The following ADARB1 variants were observed in gnomAD, a reference collection of about 807,000 sequenced individuals.
The protein encoded by ADARB1 is double-stranded RNA-specific editase 1.
Under a neutral mutation model 52.4 loss-of-function variants are expected in ADARB1, and 10 were observed. That is an observed-to-expected ratio of 0.19 (90% CI 0.12 to 0.32). The LOEUF (loss-of-function observed/expected upper bound fraction) is 0.32, where lower values mean the gene tolerates loss of function less well. Ranked by LOEUF, ADARB1 falls within the 10% of genes least tolerant of loss-of-function variation. The pLI, the probability that ADARB1 is intolerant of heterozygous loss-of-function variation, is 1.00. For missense variants in ADARB1, 643 were observed against 922.3 expected, an observed-to-expected ratio of 0.70 and a Z score of 3.92; for synonymous variants, 349 against 371.1, an observed-to-expected ratio of 0.94 and a Z score of 0.68.
At chr21:45,161,296 C>A (rs1056019952) in intron 2 of ADARB1, among the ~76,000 whole-genome samples, 3 of 152,214 alleles carry the variant, frequency 2.0e-5, no homozygotes, top group Non-Finnish European at 4.4e-5. Flanking sequence ...AAGCTGTGGA[C>A]CCAGGCATCC....
intron 1 of ADARB1, among the ~76,000 whole-genome samples, chr21:45,109,795 G>A (rs1435059834): frequency 1.3e-5 from 2 of 152,130 alleles, no homozygotes; most frequent in East Asian, 3.8e-4. Context: ...GCCAAATCAC[G>A]CTGGTTTTAA....
In ADARB1 at chr21:45,124,766, G is replaced by GGTGATGT. The variant is rs1439741072; in HGVS notation, c.-219-3633_-219-3632insATGTGTG. On this transcript the variant is annotated intron_variant, in intron 1 of 10. Coordinates refer to ENST00000348831, the MANE Select transcript of ADARB1 (RefSeq NM_001112.4). ...AGTTGTATTTCTTTTCTTTTTAAAT[G>GGTGATGT]GTGTGTGTGTGTGTGTGTGTATGTG... Among the ~76,000 whole-genome samples the GGTGATGT allele has an allele frequency of 7.9e-3, 202 of 25,560 alleles. 2 individuals are homozygous for GGTGATGT. The highest frequency in any genetic ancestry group is 0.04 in the East Asian group (71 of 1,782). 16.8% of individuals were successfully genotyped at this position (25,560 alleles called of 152,430 possible). A position where few individuals can be genotyped will look rare whatever the true frequency, so the allele number is the denominator to read the frequency against.
Position 45,223,300 on chromosome 21 carries a change from C to T in ADARB1, c.*1103C>T. ...GCATCCAAGTGAGAGCTGGTGAGAC[C>T]ACGTGCTGCTGGCGTAGTGTAGGCC... On this transcript the variant is annotated 3_prime_UTR_variant, in exon 11 of 11. Transcript: ENST00000348831. 1.0e-6 allele frequency: 1 copy of T among 985,476 alleles called. No homozygotes were observed. Among genetic ancestry groups the T allele is most frequent in the Non-Finnish European group, 1.2e-6 (1 of 829,950 alleles). 61.0% of individuals were successfully genotyped at this position (985,476 alleles called of 1,614,324 possible). A position where few individuals can be genotyped will look rare whatever the true frequency, so the allele number is the denominator to read the frequency against.
intron 2 of ADARB1, among the ~76,000 whole-genome samples, chr21:45,162,304 G>A (rs1174964337): frequency 1.3e-5 from 2 of 152,162 alleles, no homozygotes; most frequent in Non-Finnish European, 2.9e-5. Flanking sequence ...GCCTTGCAGG[G>A]AGCCAGTGTC....
In ADARB1 at chr21:45,186,646, A is replaced by C. The variant is rs185124610; in HGVS notation, c.1565+1555A>C. Among the ~76,000 whole-genome samples, 71 of 152,318 alleles carry C rather than the reference A, an allele frequency of 4.7e-4. 2 individuals carry two copies. Among genetic ancestry groups the C allele is most frequent in the Admixed American group, 1.2e-3 (18 of 15,304 alleles). On this transcript the variant is annotated intron_variant, in intron 8 of 10. Transcript: ENST00000348831. Reference sequence around the variant, plus strand: ...CTCTTCAATTACATATTAACTGTTCATCTTACACCTTCTTTGAGTTGTCTG... The same window carrying C: ...CTCTTCAATTACATATTAACTGTTCCTCTTACACCTTCTTTGAGTTGTCTG...
At chr21:45,160,501 A>G (rs562106629) in intron 2 of ADARB1, among the ~76,000 whole-genome samples, 8 of 152,370 alleles carry the variant, frequency 5.3e-5, no homozygotes, top group African/African-American at 1.7e-4. Flanking sequence ...TTGCCCCAGC[A>G]CTGCTTTGCC....
intron 2 of ADARB1, chr21:45,134,807 G>A (rs768209773): frequency 4.9e-5 from 26 of 533,984 alleles, no homozygotes; most frequent in Admixed American, 4.9e-4. Context: ...TGAAGATCCC[G>A]AGGATGAAGA....
intron 7 of ADARB1, among the ~76,000 whole-genome samples, chr21:45,184,150 T>C (rs1342143816): frequency 1.3e-5 from 2 of 152,240 alleles, no homozygotes; most frequent in Non-Finnish European, 2.9e-5. Flanking sequence ...CGTATTCCTG[T>C]AACCCAGAAA....
chr21:45,140,117 A>G (rs1459761053), intron 2 of ADARB1, among the ~76,000 whole-genome samples: 1 of 151,752 alleles, frequency 6.6e-6, no homozygotes, highest in African/African-American at 2.4e-5. Context: ...CTAATTTTGT[A>G]TTTTTAGTAG....
Position 45,222,790 on chromosome 21 carries a change from G to T in ADARB1, c.*593G>T. The T allele has an allele frequency of 1.0e-6, 1 of 985,592 alleles. No homozygotes were observed. 61.1% of individuals were successfully genotyped at this position (985,592 alleles called of 1,614,324 possible). ...CTCCCTGGGTAGTTCCACACACTAG[G>T]TTGTAACAGTCTCTCCCTGAGGAGC... is the stretch of plus-strand genomic sequence containing the variant. On this transcript the variant is annotated 3_prime_UTR_variant, in exon 11 of 11. Coordinates refer to ENST00000348831, the MANE Select transcript of ADARB1 (RefSeq NM_001112.4).
Position 45,146,476 on chromosome 21 carries a change from C to T in ADARB1, c.-48+17903C>T, listed in dbSNP as rs904735684. Among the ~76,000 whole-genome samples, 4 of 152,222 alleles carry T rather than the reference C, an allele frequency of 2.6e-5. No homozygotes were observed. In the East Asian group the frequency reaches 7.7e-4, roughly 29 times the overall value. ...ACCGGGACTCTCCCGGGGCTGCGTC[C>T]TGCTAGAGCTGGCAGGACACAGAAT... On this transcript the variant is annotated intron_variant, in intron 2 of 10. Transcript: ENST00000348831.
intron 9 of ADARB1, among the ~76,000 whole-genome samples, chr21:45,210,392 C>G (rs114024459): frequency 6.6e-6 from 1 of 152,172 alleles, no homozygotes; most frequent in African/African-American, 2.4e-5. Flanking sequence ...CGAGATCCTA[C>G]GGAGTGCAGT....
rs1569158458 is a variant in ADARB1, at chr21:45,200,244, C to T, written c.1566-4311C>T. ...GTTGGGGGTGGGGTGGGAGCCACAG[C>T]ACTGCCATTGGAGGTCACCAGGGTG... On this transcript the variant is annotated intron_variant, in intron 8 of 10. Transcript: ENST00000348831. This position sits in a 1 kb window ranked among gnomAD's most constrained non-coding sequence, Gnocchi z 5.0. 6.6e-6 allele frequency among the ~76,000 whole-genome samples: 1 copy of T among 152,200 alleles called. No homozygotes were observed. The highest frequency in any genetic ancestry group is 1.5e-5 in the Non-Finnish European group (1 of 68,022).
At chr21:45,106,386 A>G (rs1271423090) in intron 1 of ADARB1, among the ~76,000 whole-genome samples, 1 of 152,142 alleles carries the variant, frequency 6.6e-6, no homozygotes, top group Non-Finnish European at 1.5e-5. Context: ...TGTGTTTATC[A>G]TCATGTCTCT....
rs943253443 is a variant in ADARB1, at chr21:45,224,385, C to T, written c.*2188C>T. ...TACCTTGAGACCATGTGAGGTGGCA[C>T]CTTTCCGGGGTGGACTCGTGCGGCC... On this transcript the variant is annotated 3_prime_UTR_variant, in exon 11 of 11. Transcript: ENST00000348831. The T allele has an allele frequency of 9.1e-6, 9 of 985,228 alleles. No individual in the cohort carries two copies. Among genetic ancestry groups the T allele is most frequent in the Non-Finnish European group, 1.1e-5 (9 of 830,064 alleles). 61.0% of individuals were successfully genotyped at this position (985,228 alleles called of 1,614,324 possible). A position where few individuals can be genotyped will look rare whatever the true frequency, so the allele number is the denominator to read the frequency against.
intron 2 of ADARB1, among the ~76,000 whole-genome samples, chr21:45,162,573 A>T (rs1000117707): frequency 3.8e-4 from 58 of 152,244 alleles, no homozygotes; most frequent in African/African-American, 1.4e-3. Context: ...TACCCTGAGG[A>T]TCCTATGACA....
chr21:45,161,636 G>A (rs1194517882), intron 2 of ADARB1, among the ~76,000 whole-genome samples: 2 of 152,218 alleles, frequency 1.3e-5, no homozygotes, highest in Non-Finnish European at 2.9e-5. Context: ...GTGGATGGCA[G>A]GATAATGGTG....
In ADARB1 at chr21:45,157,447, T is replaced by G. The variant is rs1465363694; in HGVS notation, c.-47-14163T>G. 6.6e-6 allele frequency among the ~76,000 whole-genome samples: 1 copy of G among 152,148 alleles called. No individual in the cohort carries two copies. The highest frequency in any genetic ancestry group is 6.6e-5 in the Admixed American group (1 of 15,240). ...GTTAAGTAGAGCAAAGTGGACAGTC[T>G]TTCAAATGCATTGCTGCTGCGTTTG... On this transcript the variant is annotated intron_variant, in intron 2 of 10. Transcript: ENST00000348831. The surrounding 1 kb of genome is among the most constrained non-coding windows in gnomAD (Gnocchi z 4.1).
rs1036082479 is a variant in ADARB1 at position 45,222,052 on chromosome 21, A to G, written c.1961A>G (p.Lys654Arg). 1 of 1,613,732 alleles carries G rather than the reference A, an allele frequency of 6.2e-7. No homozygotes were observed. The highest frequency in any genetic ancestry group is 8.5e-7 in the Non-Finnish European group (1 of 1,179,980). Residue 654 changes from lysine to arginine, a missense_variant, in exon 11 of 11, where the codon AAG becomes AGG. Lys to Arg is a conservative substitution (Grantham distance 26). This residue lies in a region of ADARB1 where 263 missense variants were observed against 475.8 expected (regional missense o/e 0.55). Transcript: ENST00000348831. Reference sequence around the variant, plus strand: ...CACTTACTACGCTCCAAGATTACCAAGCCCAACGTGTACCATGAGTCCAAG... The same window carrying G: ...CACTTACTACGCTCCAAGATTACCAGGCCCAACGTGTACCATGAGTCCAAG... ...PSHLLRSKITKPNVYHESKLA... is the reference protein window; with the variant it reads ...PSHLLRSKITRPNVYHESKLA...
Sources: allele counts gnomAD v4.1 joint callset (sites outside exome capture counted in the v4.1 genomes callset), GRCh38; gene constraint gnomAD v4.1.1; regional missense constraint gnomAD v4.1.1; non-coding constraint Gnocchi (gnomAD v3.1); transcripts MANE v1.5; gene names NCBI Gene and HGNC (gene_info 2026-07-23, HGNC 2026-07-21).